Variants in RBFOX1 observed in about 807,000 individuals in gnomAD.
RBFOX1 encodes the protein RNA binding protein fox-1 homolog 1.
In RBFOX1, 8 loss-of-function variants were observed where a neutral mutation model predicts 57.7. The observed-to-expected ratio is 0.14, with a 90% CI of 0.08 to 0.25. RBFOX1 has a LOEUF of 0.25. RBFOX1 is among the 10% of genes least tolerant of loss of function. RBFOX1 has a pLI of 1.00. For missense variants in RBFOX1, 611 were observed against 548.5 expected, an observed-to-expected ratio of 1.11 and a Z score of -1.14; for synonymous variants, 326 against 222.4, an observed-to-expected ratio of 1.47 and a Z score of -4.15.
chr16:6,111,398 C>T (rs918053730), intron 1 of RBFOX1, among the ~76,000 whole-genome samples: 1 of 152,158 alleles, frequency 6.6e-6, no homozygotes, highest in Non-Finnish European at 1.5e-5. Context: ...GAAAATTGGA[C>T]TTTCCTGATA....
intron 3 of RBFOX1, among the ~76,000 whole-genome samples, chr16:6,747,445 AGTCTGTCT>A (rs367859716): frequency 7.2e-5 from 6 of 83,176 alleles, no homozygotes; most frequent in African/African-American, 2.4e-4. Flanking sequence ...TCAGTCAGTT[AGTCTGTCT>A]GTCTGTCTGT....
chr16:7,264,187 C>G (rs1015647665), intron 4 of RBFOX1, among the ~76,000 whole-genome samples: 1 of 152,116 alleles, frequency 6.6e-6, no homozygotes. Context: ...ACCTCAAGCA[C>G]TTAGCCAGTA....
intron 3 of RBFOX1, among the ~76,000 whole-genome samples, chr16:6,767,828 C>A (rs969827764): frequency 6.6e-6 from 1 of 151,474 alleles, no homozygotes; most frequent in African/African-American, 2.4e-5. Flanking sequence ...GCAGGAGAAT[C>A]GCTTGAACCC....
intron 2 of RBFOX1, among the ~76,000 whole-genome samples, chr16:6,447,151 T>C (rs1287527567): frequency 2.6e-5 from 4 of 152,228 alleles, no homozygotes; most frequent in African/African-American, 9.6e-5. Flanking sequence ...TATTGGACTT[T>C]TTTTCCTTCA....
At chr16:7,557,199 G>A (rs2088819128) in intron 5 of RBFOX1, among the ~76,000 whole-genome samples, 3 of 152,204 alleles carry the variant, frequency 2.0e-5, no homozygotes, top group East Asian at 3.9e-4. Flanking sequence ...GCCGGGTCTC[G>A]AACCCAGGTG....
chr16:7,661,149 G>T lies in RBFOX1; in HGVS notation c.891-3780G>T, dbSNP rs531657988. ...GGTAAAATTGGCTTCCCATTACATG[G>T]CTTTATTTCACACTGCCGGTGAGGA... is the stretch of plus-strand genomic sequence containing the variant. On this transcript the variant is annotated intron_variant, in intron 12 of 15. Coordinates refer to ENST00000550418, the MANE Select transcript of RBFOX1 (RefSeq NM_018723.4). Among the ~76,000 whole-genome samples, 3 of 152,242 alleles carry T rather than the reference G, an allele frequency of 2.0e-5. No homozygotes were observed. In the South Asian group the frequency reaches 6.2e-4, roughly 32 times the overall value.
At chr16:5,358,036 A>C (rs2065441420) in intron 1 of RBFOX1, among the ~76,000 whole-genome samples, 1 of 152,090 alleles carries the variant, frequency 6.6e-6, no homozygotes, top group African/African-American at 2.4e-5. Context: ...TTATTTTCAC[A>C]TTGTTCAGGA....
intron 3 of RBFOX1, among the ~76,000 whole-genome samples, chr16:6,808,337 T>C (rs2087478775): frequency 6.6e-6 from 1 of 152,054 alleles, no homozygotes; most frequent in Non-Finnish European, 1.5e-5. Context: ...CATCTGATTA[T>C]GCCTACTTCA....
At chr16:5,837,068 T>C (rs1257999629) in intron 3 of RBFOX1, among the ~76,000 whole-genome samples, 10 of 152,018 alleles carry the variant, frequency 6.6e-5, no homozygotes, top group African/African-American at 2.4e-4. Context: ...GATTTGGAGG[T>C]CCCTTCTTAG....
At chr16:5,673,017 C>T (rs2050059433) in intron 3 of RBFOX1, among the ~76,000 whole-genome samples, 1 of 152,050 alleles carries the variant, frequency 6.6e-6, no homozygotes. Context: ...GAGAAGCCTC[C>T]ACTCTGGGGT....
chr16:5,954,795 C>T (rs1034976527), intron 4 of RBFOX1, among the ~76,000 whole-genome samples: 2 of 152,114 alleles, frequency 1.3e-5, no homozygotes, highest in Admixed American at 6.5e-5. Context: ...CCCCTTCCTG[C>T]AGCCTCTTTA....
intron 3 of RBFOX1, among the ~76,000 whole-genome samples, chr16:6,916,980 G>C (rs558316168): frequency 2.0e-5 from 3 of 152,184 alleles, no homozygotes; most frequent in Admixed American, 2.0e-4. Context: ...CTCCCAAGTA[G>C]GTAGGATTAC....
At chr16:7,556,059 A>G (rs970370022) in intron 5 of RBFOX1, among the ~76,000 whole-genome samples, 6 of 152,188 alleles carry the variant, frequency 3.9e-5, no homozygotes, top group Admixed American at 1.3e-4. Context: ...TTTATACTAC[A>G]AGAAAGTAAC....
At chr16:5,272,903 C>T (rs562828874) in intron 1 of RBFOX1, among the ~76,000 whole-genome samples, 1 of 152,196 alleles carries the variant, frequency 6.6e-6, no homozygotes, top group Admixed American at 6.5e-5. Flanking sequence ...AGAGACTCCA[C>T]AAATGGGATT....
intron 5 of RBFOX1, among the ~76,000 whole-genome samples, chr16:7,568,396 G>T (rs145086800): frequency 9.9e-5 from 15 of 152,228 alleles, no homozygotes; most frequent in Admixed American, 9.8e-4. Context: ...GGAAACTGTT[G>T]TGGTACTGGT....
chr16:5,899,271 A>G (rs897171652), intron 4 of RBFOX1, among the ~76,000 whole-genome samples: 1 of 152,134 alleles, frequency 6.6e-6, no homozygotes, highest in Non-Finnish European at 1.5e-5. Context: ...CTAAGGGGAA[A>G]GAGATCTCAA....
intron 2 of RBFOX1, among the ~76,000 whole-genome samples, chr16:6,615,659 G>T (rs1009630374): frequency 6.6e-6 from 1 of 151,896 alleles, no homozygotes; most frequent in Non-Finnish European, 1.5e-5. Context: ...CACATGAAAT[G>T]TCCATGTGCT....
At chr16:5,924,883 TC>T (rs2058909760) in intron 4 of RBFOX1, among the ~76,000 whole-genome samples, 1 of 152,170 alleles carries the variant, frequency 6.6e-6, no homozygotes, top group African/African-American at 2.4e-5. Context: ...TCTAACTGTA[TC>T]CGCCTTTGCA....
chr16:7,619,582 T>G (rs1411173170), intron 10 of RBFOX1, among the ~76,000 whole-genome samples: 3 of 152,210 alleles, frequency 2.0e-5, no homozygotes, highest in African/African-American at 2.4e-5. Flanking sequence ...TAAATAGTTC[T>G]GTAATAGTAC....
Sources: allele counts gnomAD v4.1 joint callset (sites outside exome capture counted in the v4.1 genomes callset), GRCh38; gene constraint gnomAD v4.1.1; transcripts MANE v1.5; gene names NCBI Gene and HGNC (gene_info 2026-07-23, HGNC 2026-07-21).